The following ABHD14B variants were observed in gnomAD, a reference collection of about 807,000 sequenced individuals.
ABHD14B encodes abhydrolase domain containing 14B, also known as putative protein-lysine deacylase ABHD14B.
In ABHD14B, 19 loss-of-function variants were observed where a neutral mutation model predicts 15.4. That is an observed-to-expected ratio of 1.23 (90% confidence interval 0.86 to 1.81). The LOEUF (loss-of-function observed/expected upper bound fraction) is 1.81, where lower values mean the gene tolerates loss of function less well. Among genes scored for constraint, ABHD14B ranks in the 40% most tolerant of loss-of-function variants. The pLI is 0.00. For synonymous variants in ABHD14B, 92 were observed against 117.3 expected (o/e 0.78, Z 1.39); for missense variants, 243 against 267.0 (o/e 0.91, Z 0.63).
In ABHD14B at chr3:51,970,934, G is replaced by A. The variant is rs190910262; in HGVS notation, c.211+526C>T. On this transcript the variant is annotated intron_variant, in intron 2 of 3. Coordinates refer to ENST00000361143, the MANE Select transcript of ABHD14B (RefSeq NM_001146314.2). The stretch of plus-strand genomic sequence containing the variant: ...CATCTACCCTAGAACCCAGCTCAGG[G>A]CTTTGCATGTGGGATCACAAGTGGG... 66 of 423,528 alleles carry A rather than the reference G, an allele frequency of 1.6e-4. No individual in the cohort carries two copies. In the East Asian group the frequency reaches 4.0e-3, roughly 26 times the overall value. 26.2% of individuals were successfully genotyped at this position (423,528 alleles called of 1,614,324 possible). A position where few individuals can be genotyped will look rare whatever the true frequency, so the allele number is the denominator to read the frequency against.
chr3:51,972,678 A>T (rs542539174), intron 1 of ABHD14B, among the ~76,000 whole-genome samples: 1 of 152,272 alleles, frequency 6.6e-6, no homozygotes, highest in Admixed American at 6.5e-5. Flanking sequence ...CATCGTTATT[A>T]TCCTTTTCTA....
intron 2 of ABHD14B, chr3:51,970,567 A>G (rs1305282545): frequency 2.0e-6 from 1 of 489,270 alleles, no homozygotes. Flanking sequence ...AGTATCTGCC[A>G]TTTAAGATTG....
At chr3:51,973,810 C>T (rs1409015114) in intron 1 of ABHD14B, 155 bp downstream of exon 1, 14 of 1,287,440 alleles carry the variant, frequency 1.1e-5, no homozygotes, top group African/African-American at 1.5e-5. Context: ...CCGCGGACTA[C>T]GGTTCTGGCT....
intron 2 of ABHD14B, 26 bp downstream of exon 2, chr3:51,971,434 T>A: frequency 1.3e-6 from 2 of 1,531,822 alleles, no homozygotes; most frequent in Non-Finnish European, 1.8e-6. Context: ...CCCCAAACCC[T>A]GCCCAGAAGC....
rs775207098 is a variant in ABHD14B, at chr3:51,969,598, G to A, written c.461C>T (p.Ala154Val). Residue 154 changes from alanine to valine, a missense_variant, in exon 4 of 4, where the codon GCT becomes GTT. Ala to Val is a moderately conservative substitution (Grantham distance 64). Transcript: ENST00000361143. ...AANYASVKTP[A>V]LIVYGDQDPM... is the part of the protein sequence containing the mutation. Reference sequence around the variant, plus strand: ...GTCCTGGTCTCCATATACAATCAGAGCTGGAGTCTGAGAGGAAGGATAGGG... The same window carrying A: ...GTCCTGGTCTCCATATACAATCAGAACTGGAGTCTGAGAGGAAGGATAGGG... 1.1e-5 allele frequency: 17 copies of A among 1,612,038 alleles called. No individual in the cohort carries two copies. The highest frequency in any genetic ancestry group is 1.4e-5 in the Non-Finnish European group (16 of 1,179,178).
rs1283257024 is a variant in ABHD14B, at chr3:51,970,129, A to G, written c.267T>C (p.Pro89=). 6.4e-7 allele frequency: 1 copy of G among 1,573,458 alleles called. No individual in the cohort carries two copies. Among genetic ancestry groups the G allele is most frequent in the Non-Finnish European group, 8.6e-7 (1 of 1,159,422 alleles). The change falls in exon 3 of 4, where the codon CCT becomes CCC. Residue 89 remains proline (P), a synonymous_variant. Transcript: ENST00000361143. ...AAPAPIGELA[P]GSFLAAVVDA... ...CCACCACAGCCGCCAGGAAGCTGCC[A>G]GGGGCCAGCTCCCCAATAGGGGCAG... is the stretch of plus-strand genomic sequence containing the variant.
Position 51,970,090 on chromosome 3 carries a change from C to T in ABHD14B, c.306G>A (p.Leu102=). Residue 102 remains leucine, a synonymous_variant, in exon 3 of 4, where the codon CTG becomes CTA. Coordinates refer to ENST00000361143, the MANE Select transcript of ABHD14B (RefSeq NM_001146314.2). ...FLAAVVDALE[L]GPPVVISPSL... is the part of the protein sequence containing the mutation. The stretch of plus-strand genomic sequence containing the variant: ...ATGGACTGATCACAACCGGGGGGCC[C>T]AGCTCCAAGGCATCCACCACAGCCG... 6.2e-7 allele frequency: 1 copy of T among 1,602,704 alleles called. No homozygotes were observed. Among genetic ancestry groups the T allele is most frequent in the Non-Finnish European group, 8.5e-7 (1 of 1,173,110 alleles).
upstream of ABHD14B, chr3:51,974,616 A>C: frequency 6.3e-6 from 1 of 157,484 alleles, no homozygotes; most frequent in Non-Finnish European, 1.4e-5. Context: ...CAACCAGGGC[A>C]GGCGCCATGA....
At chr3:51,971,947 T>A in intron 1 of ABHD14B, 1 of 754,478 alleles carries the variant, frequency 1.3e-6, no homozygotes. Flanking sequence ...TAATTAAAAG[T>A]TTAAGAAAAA....
rs750685251 is a variant in ABHD14B at position 51,969,518 on chromosome 3, G to A, written c.541C>T (p.Leu181=). The change falls in exon 4 of 4, where the codon CTG becomes TTG. Residue 181 remains leucine (L), a synonymous_variant. Transcript: ENST00000361143. ...GGGTGCCCCGCCCCCTTCATGATCA[G>A]CACCCGGTGGTTGGGCAGCTGCTTC... is the stretch of plus-strand genomic sequence containing the variant. The part of the protein sequence containing the change: ...HLKQLPNHRV[L]IMKGAGHPCY... The A allele has an allele frequency of 6.2e-7, 1 of 1,613,994 alleles. No individual in the cohort carries two copies. The highest frequency in any genetic ancestry group is 1.1e-5 in the South Asian group (1 of 91,086).
chr3:51,970,201 G>A lies in ABHD14B; in HGVS notation c.212-17C>T, dbSNP rs373830327. On this transcript the variant is annotated splice_polypyrimidine_tract_variant and intron_variant, in intron 2 of 3. Transcript: ENST00000361143. ...GCCCCAGACCTGCAGGGATTCAGGTGTGAAAGAGACAAGACAAGGGCAGTG... is the reference window on the plus strand; with the variant it reads ...GCCCCAGACCTGCAGGGATTCAGGTATGAAAGAGACAAGACAAGGGCAGTG... The A allele has an allele frequency of 5.3e-6, 8 of 1,519,704 alleles. No homozygotes were observed. The highest frequency in any genetic ancestry group is 7.0e-6 in the Non-Finnish European group (8 of 1,137,310). 94.1% of individuals were successfully genotyped at this position (1,519,704 alleles called of 1,614,324 possible). A position where few individuals can be genotyped will look rare whatever the true frequency, so the allele number is the denominator to read the frequency against.
chr3:51,971,382 G>C, intron 2 of ABHD14B, 78 bp downstream of exon 2: 9 of 1,423,600 alleles, frequency 6.3e-6, no homozygotes, highest in Non-Finnish European at 8.3e-6. Flanking sequence ...GTGGGGAGGG[G>C]CTACATGTTA....
chr3:51,973,288 G>T (rs1700695093), intron 1 of ABHD14B, among the ~76,000 whole-genome samples: 1 of 151,014 alleles, frequency 6.6e-6, no homozygotes, highest in African/African-American at 2.4e-5. Context: ...CTGACCTCGT[G>T]ATCCGCCCGC....
chr3:51,969,223 T>A lies in ABHD14B; in HGVS notation c.*203A>T. 1.9e-6 allele frequency: 1 copy of A among 527,040 alleles called. No homozygotes were observed. The highest frequency in any genetic ancestry group is 3.3e-6 in the Non-Finnish European group (1 of 307,596). The allele number at this position is 527,040 out of a possible 1,614,324, so 32.6% of individuals were successfully genotyped here. On this transcript the variant is annotated 3_prime_UTR_variant, in exon 4 of 4. Coordinates refer to ENST00000361143, the MANE Select transcript of ABHD14B (RefSeq NM_001146314.2). Reference sequence around the variant, plus strand: ...ATGTTCCTTGATTCCTGAGAGTTTTTTCTCTTGATTTTACCCCCTCAGTCT... The same window carrying A: ...ATGTTCCTTGATTCCTGAGAGTTTTATCTCTTGATTTTACCCCCTCAGTCT...
chr3:51,974,143 C>T (rs956701254), upstream of ABHD14B: 16 of 935,840 alleles, frequency 1.7e-5, no homozygotes, highest in African/African-American at 2.8e-4. Context: ...CTCCGCTAAA[C>T]TCGTTCTCAC....
Position 51,969,621 on chromosome 3 carries a change from G to C in ABHD14B, c.454-16C>G, listed in dbSNP as rs375108857. On this transcript the variant is annotated splice_polypyrimidine_tract_variant and intron_variant, in intron 3 of 3. Transcript: ENST00000361143. ...GAGCTGGAGTCTGAGAGGAAGGATA[G>C]GGGGGTGGGGCAGAGTCAACAGGGA... The C allele has an allele frequency of 3.8e-4, 605 of 1,604,160 alleles. 1 individual carries two copies. The highest frequency in any genetic ancestry group is 6.7e-4 in the Middle Eastern group (4 of 5,998).
At chr3:51,973,506 T>TTTTTTTTTTTTC (rs1553723698) in intron 1 of ABHD14B, among the ~76,000 whole-genome samples, 20 of 122,674 alleles carry the variant, frequency 1.6e-4, no homozygotes, top group African/African-American at 7.9e-4. Flanking sequence ...TTTTCTTCGG[T>TTTTTTTTTTTTC]TTTTTTTTTT....
chr3:51,969,852 C>T, intron 3 of ABHD14B, 91 bp downstream of exon 3: 2 of 1,608,322 alleles, frequency 1.2e-6, no homozygotes, highest in Non-Finnish European at 1.7e-6. Context: ...GAAGACACCC[C>T]TTGATTATCC....
In ABHD14B at chr3:51,969,290, A is replaced by T. The variant is rs577965858; in HGVS notation, c.*136T>A. 251 of 1,042,190 alleles carry T rather than the reference A, an allele frequency of 2.4e-4. No individual in the cohort carries two copies. The highest frequency in any genetic ancestry group is 3.3e-4 in the Non-Finnish European group (240 of 721,884). The allele number at this position is 1,042,190 out of a possible 1,614,324, so 64.6% of individuals were successfully genotyped here. A position where few individuals can be genotyped will look rare whatever the true frequency, so the allele number is the denominator to read the frequency against. On this transcript the variant is annotated 3_prime_UTR_variant, in exon 4 of 4. Transcript: ENST00000361143. ...GAGGTAGAAAAGACAAACAGACCAC[A>T]AAAGACAAGAACCCAGACATATAGA...
Sources: gnomAD v4.1 joint callset for allele counts (sites outside exome capture counted in the v4.1 genomes callset) on GRCh38, gnomAD v4.1.1 for gene constraint, MANE v1.5 for transcripts, NCBI Gene and HGNC (gene_info 2026-07-23, HGNC 2026-07-21) for gene names.